IL2RG: variants seen among roughly 807,000 people sequenced by gnomAD.
IL2RG encodes the protein cytokine receptor common subunit gamma.
For missense variants in IL2RG, 205 were observed against 272.9 expected, an observed-to-expected ratio of 0.75 and a Z score of 1.75; for synonymous variants, 111 against 108.5, an observed-to-expected ratio of 1.02 and a Z score of -0.15.
Position 71,108,614 on chromosome X carries a change from T to C in IL2RG, c.839A>G (p.Tyr280Cys), listed in dbSNP as rs1374953701. 1.2e-5 allele frequency: 14 copies of C among 1,189,813 alleles called. No individual in the cohort carries two copies. In the African/African-American group the frequency reaches 2.3e-4, roughly 20 times the overall value. Residue 280 changes from tyrosine (Y) to cysteine (C), a missense_variant, in exon 6 of 8, where the codon TAT becomes TGT. Tyr to Cys is a radical substitution (Grantham distance 194). Transcript: ENST00000374202. ...CAAATCTCACCGTTCCAGCCAGAAATACACACAGAGAAGGCTGATAATCAA... is the reference window on the plus strand; with the variant it reads ...CAAATCTCACCGTTCCAGCCAGAAACACACACAGAGAAGGCTGATAATCAA... ...MGLIISLLCV[Y>C]FWLERTMPRI...
At chrX:71,110,317 T>C (rs747781307) in intron 3 of IL2RG, 22 bp from the exon 4 acceptor site, 6 of 1,208,353 alleles carry the variant, frequency 5.0e-6, no homozygotes, top group Non-Finnish European at 6.7e-6. Flanking sequence ...TGTGCATATG[T>C]GGTCATTCCC....
rs1367782189 is a variant in IL2RG, at chrX:71,111,444, C to A, written c.96G>T (p.Gly32=). Reference sequence around the variant, plus strand: ...TCCCACCAGCTGTGGTGTCTTCATTCCCATTGGGCGTCAGAATTGTCGTGT... The same window carrying A: ...TCCCACCAGCTGTGGTGTCTTCATTACCATTGGGCGTCAGAATTGTCGTGT... ...GLNTTILTPN[G]NEDTTADFFL... Residue 32 remains glycine, a synonymous_variant, in exon 1 of 8, where the codon GGG becomes GGT. Transcript: ENST00000374202. 8.3e-7 allele frequency: 1 copy of A among 1,209,198 alleles called. No individual in the cohort carries two copies. The highest frequency in any genetic ancestry group is 1.1e-6 in the Non-Finnish European group (1 of 894,818).
rs767379303 is a variant in IL2RG, at chrX:71,109,385, T to G, written c.600A>C (p.Gln200His). The part of the protein sequence containing the change: ...RTDWDHSWTE[Q>H]SVDYRHKFSL... Reference sequence around the variant, plus strand: ...AGAACTTATGTCTATAATCCACTGATTGTTCCTTGAGGAGAAAGAGGATGA... The same window carrying G: ...AGAACTTATGTCTATAATCCACTGAGTGTTCCTTGAGGAGAAAGAGGATGA... Residue 200 changes from glutamine (Q) to histidine (H), a missense_variant, in exon 5 of 8, where the codon CAA becomes CAC. Coordinates refer to ENST00000374202, the MANE Select transcript of IL2RG (RefSeq NM_000206.3). 5.8e-6 allele frequency: 7 copies of G among 1,207,542 alleles called. No homozygotes were observed. In the East Asian group the frequency reaches 1.8e-4, roughly 31 times the overall value.
In IL2RG at chrX:71,107,859, G is replaced by C; in HGVS notation, c.987C>G (p.Leu329=). ...TTGGGGGAATCTCACTGACGAGGCA[G>C]AGTCGTTCACTGTAGTCTGGCTGCA... ...ESLQPDYSER[L]CLVSEIPPKG... Residue 329 remains leucine (L), a synonymous_variant, in exon 8 of 8, where the codon CTC becomes CTG. Coordinates refer to ENST00000374202, the MANE Select transcript of IL2RG (RefSeq NM_000206.3). 8.3e-7 allele frequency: 1 copy of C among 1,209,232 alleles called. No homozygotes were observed. The highest frequency in any genetic ancestry group is 1.1e-6 in the Non-Finnish European group (1 of 893,635).
Position 71,110,701 on chromosome X carries a change from G to A in IL2RG, c.270-13C>T, listed in dbSNP as rs983799956. 7 of 1,196,315 alleles carry A rather than the reference G, an allele frequency of 5.9e-6. No homozygotes were observed. The highest frequency in any genetic ancestry group is 6.8e-6 in the Non-Finnish European group (6 of 883,138). ...CGAGTTCTTGTACCTAGAGGAGAAA[G>A]GTTGGAAGGAAGAGGAACAGTGGGG... On this transcript the variant is annotated splice_polypyrimidine_tract_variant and intron_variant, in intron 2 of 7. Coordinates refer to ENST00000374202, the MANE Select transcript of IL2RG (RefSeq NM_000206.3).
chrX:71,110,125 A>G (rs775037876), intron 4 of IL2RG, 31 bp downstream of exon 4: 2 of 1,206,191 alleles, frequency 1.7e-6, no homozygotes, highest in Non-Finnish European at 2.2e-6. Context: ...TCTTGGCCTT[A>G]GCTGCTACAT....
chrX:71,107,717 T>A lies in IL2RG; in HGVS notation c.*19A>T. On this transcript the variant is annotated 3_prime_UTR_variant, in exon 8 of 8. Transcript: ENST00000374202. ...TAGGGCTACAGGACCCTGGGGTTCT[T>A]CTGTCAGAGGATTGGGGTTCAGGTT... 9.0e-7 allele frequency: 1 copy of A among 1,116,787 alleles called. No homozygotes were observed. The allele number at this position is 1,116,787 out of a possible 1,213,427, so 92.0% of individuals were successfully genotyped here. A position where few individuals can be genotyped will look rare whatever the true frequency, so the allele number is the denominator to read the frequency against.
chrX:71,109,161 A>G, intron 5 of IL2RG, 67 bp downstream of exon 5: 1 of 1,096,148 alleles, frequency 9.1e-7, no homozygotes, highest in East Asian at 3.0e-5. Flanking sequence ...AAGTGGAGCA[A>G]AAGACAGTGG....
chrX:71,108,268 C>A lies in IL2RG; in HGVS notation c.924+9G>T, dbSNP rs1198550634. The A allele has an allele frequency of 1.7e-6, 2 of 1,170,561 alleles. No homozygotes were observed. The highest frequency in any genetic ancestry group is 2.3e-6 in the Non-Finnish European group (2 of 858,171). The stretch of plus-strand genomic sequence containing the variant: ...ATAGACTGCAGCATGCTTATGACAG[C>A]GTTCTCACCGAAAAGTTCCCGTGGT... On this transcript the variant is annotated intron_variant, in intron 7 of 7. Coordinates refer to ENST00000374202, the MANE Select transcript of IL2RG (RefSeq NM_000206.3).
At chrX:71,108,208 C>T in intron 7 of IL2RG, 69 bp downstream of exon 7, 1 of 814,207 alleles carries the variant, frequency 1.2e-6, no homozygotes, top group South Asian at 2.1e-5. Flanking sequence ...CACCCCCACA[C>T]TCTGTCTGTC....
intron 3 of IL2RG, 76 bp from the exon 4 acceptor site, chrX:71,110,371 C>T (rs1359002926): frequency 9.0e-7 from 1 of 1,116,973 alleles, no homozygotes; most frequent in African/African-American, 1.8e-5. Flanking sequence ...GCCCCTAATA[C>T]CTCCTCCCTT....
In IL2RG at chrX:71,110,303, T is replaced by C. The variant is rs781649645; in HGVS notation, c.455-8A>G. 49 of 1,206,779 alleles carry C rather than the reference T, an allele frequency of 4.1e-5. 1 individual carries two copies. In the South Asian group the frequency reaches 5.3e-4, roughly 13 times the overall value. On this transcript the variant is annotated splice_region_variant and splice_polypyrimidine_tract_variant and intron_variant, in intron 3 of 7. Coordinates refer to ENST00000374202, the MANE Select transcript of IL2RG (RefSeq NM_000206.3). ...CTGGAGCCCAGGGGATCACTGGAGATATGTGTGCATATGTGGTCATTCCCC... is the reference window on the plus strand; with the variant it reads ...CTGGAGCCCAGGGGATCACTGGAGACATGTGTGCATATGTGGTCATTCCCC...
In IL2RG at chrX:71,110,684, T is replaced by C; in HGVS notation, c.274A>G (p.Lys92Glu). 8.3e-7 allele frequency: 1 copy of C among 1,206,146 alleles called. No individual in the cohort carries two copies. Among genetic ancestry groups the C allele is most frequent in the Non-Finnish European group, 1.1e-6 (1 of 890,576 alleles). Residue 92 changes from lysine to glutamate, a missense_variant, in exon 3 of 8, where the codon AAG (lysine) becomes GAG (glutamate). Physicochemically the swap from Lys to Glu is moderately conservative, Grantham distance 56. Transcript: ENST00000374202. ...TGGACTTTATCATTATCCGAGTTCTTGTACCTAGAGGAGAAAGGTTGGAAG... is the reference window on the plus strand; with the variant it reads ...TGGACTTTATCATTATCCGAGTTCTCGTACCTAGAGGAGAAAGGTTGGAAG... Reference protein sequence around the residue: ...PTNLTLHYWYKNSDNDKVQKC... With the variant: ...PTNLTLHYWYENSDNDKVQKC...
In IL2RG at chrX:71,110,666, T is replaced by C. The variant is rs776710796; in HGVS notation, c.292A>G (p.Lys98Glu). 4.6e-5 allele frequency: 56 copies of C among 1,207,750 alleles called. No homozygotes were observed. The highest frequency in any genetic ancestry group is 6.2e-5 in the Non-Finnish European group (55 of 893,392). ...AGATAGTGGCTGCACTTCTGGACTT[T>C]ATCATTATCCGAGTTCTTGTACCTA... ...HYWYKNSDND[K>E]VQKCSHYLFS... The change falls in exon 3 of 8, where the codon AAA becomes GAA. Residue 98 changes from lysine (K) to glutamate (E), a missense_variant. Lys to Glu is a moderately conservative substitution (Grantham distance 56). Coordinates refer to ENST00000374202, the MANE Select transcript of IL2RG (RefSeq NM_000206.3).
chrX:71,107,811 C>G lies in IL2RG; in HGVS notation c.1035G>C (p.Gly345=). 1 of 1,195,467 alleles carries G rather than the reference C, an allele frequency of 8.4e-7. No individual in the cohort carries two copies. The highest frequency in any genetic ancestry group is 1.1e-6 in the Non-Finnish European group (1 of 885,177). The stretch of plus-strand genomic sequence containing the variant: ...GCTGGTTGCATGGGGAGGCCCCAGG[C>G]CCCTCCCCAAGGGCCCCTCCTTTTG... ...IPPKGGALGE[G]PGASPCNQHS... The change falls in exon 8 of 8, where the codon GGG becomes GGC. Residue 345 remains glycine, a synonymous_variant. Transcript: ENST00000374202.
At position 71,111,567 on chromosome X, in the gene IL2RG, A is replaced by G; in HGVS notation, c.-28T>C. Reference sequence around the variant, plus strand: ...CGCTTGCTCTTCATTCCCTGGGTGTAGTCTGTCTGTGTCAGGAACCTGGGT... The same window carrying G: ...CGCTTGCTCTTCATTCCCTGGGTGTGGTCTGTCTGTGTCAGGAACCTGGGT... On this transcript the variant is annotated 5_prime_UTR_variant, in exon 1 of 8. Transcript: ENST00000374202. 8.3e-7 allele frequency: 1 copy of G among 1,208,671 alleles called. No homozygotes were observed. The highest frequency in any genetic ancestry group is 1.1e-6 in the Non-Finnish European group (1 of 893,381).
rs1602289321 is a variant in IL2RG, at chrX:71,110,417, T to C, written c.454+87A>G. 6.3e-6 allele frequency: 7 copies of C among 1,104,090 alleles called. No homozygotes were observed. In the East Asian group the frequency reaches 2.1e-4, roughly 33 times the overall value. 91.0% of individuals were successfully genotyped at this position (1,104,090 alleles called of 1,213,427 possible). On this transcript the variant is annotated intron_variant, in intron 3 of 7. Coordinates refer to ENST00000374202, the MANE Select transcript of IL2RG (RefSeq NM_000206.3). Reference sequence around the variant, plus strand: ...TCCCCTACCTCCTCTTTTCTGCCCATGTACCCTTATGATAAAAGAACACTA... The same window carrying C: ...TCCCCTACCTCCTCTTTTCTGCCCACGTACCCTTATGATAAAAGAACACTA...
At position 71,108,777 on chromosome X, in the gene IL2RG, C is replaced by CT. The variant is rs1424597537; in HGVS notation, c.758-83dup. On this transcript the variant is annotated intron_variant, in intron 5 of 7. Coordinates refer to ENST00000374202, the MANE Select transcript of IL2RG (RefSeq NM_000206.3). ...CCAGGCACTGGTGCCAGGCACCGCG[C>CT]TAAAGACATACTCTCTGTTTAATCC... 5.0e-6 allele frequency: 3 copies of CT among 601,467 alleles called. No individual in the cohort carries two copies. The African/African-American group carries it at 6.7e-5, about 13-fold the overall frequency. 49.6% of individuals were successfully genotyped at this position (601,467 alleles called of 1,213,427 possible).
At position 71,107,685 on chromosome X, in the gene IL2RG, T is replaced by A; in HGVS notation, c.*51A>T. ...GGTGGGTTGAATGAAGGAAAGTTAG[T>A]ACCACTTAGGGCTACAGGACCCTGG... On this transcript the variant is annotated 3_prime_UTR_variant, in exon 8 of 8. Coordinates refer to ENST00000374202, the MANE Select transcript of IL2RG (RefSeq NM_000206.3). 1 of 987,036 alleles carries A rather than the reference T, an allele frequency of 1.0e-6. No individual in the cohort carries two copies. The highest frequency in any genetic ancestry group is 1.3e-6 in the Non-Finnish European group (1 of 742,261). The allele number at this position is 987,036 out of a possible 1,213,427, so 81.3% of individuals were successfully genotyped here. A position where few individuals can be genotyped will look rare whatever the true frequency, so the allele number is the denominator to read the frequency against.
Sources: gnomAD v4.1 joint callset for allele counts on GRCh38, gnomAD v4.1.1 for gene constraint, MANE v1.5 for transcripts, NCBI Gene and HGNC (gene_info 2026-07-23, HGNC 2026-07-21) for gene names.